PTRH1: variants seen among roughly 807,000 people sequenced by gnomAD.
PTRH1 encodes the protein peptidyl-tRNA hydrolase.
A neutral mutation model predicts 15.7 loss-of-function variants in PTRH1; 13 were observed. That is an observed-to-expected ratio of 0.83 (90% CI 0.54 to 1.31). The LOEUF (loss-of-function observed/expected upper bound fraction) is 1.31. Among genes scored for constraint, PTRH1 ranks in the 40% most tolerant of loss-of-function variants. PTRH1 has a pLI of 0.00. For synonymous variants in PTRH1, 139 were observed against 136.7 expected, an observed-to-expected ratio of 1.02 and a Z score of -0.12; for missense variants, 319 against 296.2, an observed-to-expected ratio of 1.08 and a Z score of -0.56.
intron 1 of PTRH1, among the ~76,000 whole-genome samples, chr9:127,697,228 AAAGAAG>A (rs1189833983): frequency 6.6e-6 from 1 of 152,206 alleles, no homozygotes; most frequent in Non-Finnish European, 1.5e-5. Flanking sequence ...ACCAAGCACT[AAAGAAG>A]ACATTCTAGA....
chr9:127,703,947 C>T lies in PTRH1; in HGVS notation c.206-8806G>A, dbSNP rs549638099. ...AGAGATTCTGCAACACAGGGATGGGCAGGGAGGGGTGGGGTGCTGTGTAGA... is the reference window on the plus strand; with the variant it reads ...AGAGATTCTGCAACACAGGGATGGGTAGGGAGGGGTGGGGTGCTGTGTAGA... On this transcript the variant is annotated intron_variant, in intron 1 of 2. Transcript: ENST00000335223. Among the ~76,000 whole-genome samples, 4 of 152,148 alleles carry T rather than the reference C, an allele frequency of 2.6e-5. No individual in the cohort carries two copies. The South Asian group carries it at 8.3e-4, about 32-fold the overall frequency.
intron 2 of PTRH1, chr9:127,694,822 A>G: frequency 1.7e-6 from 1 of 595,910 alleles, no homozygotes; most frequent in Non-Finnish European, 3.0e-6. Flanking sequence ...AGGATATTTA[A>G]CACCGTTGGA....
At chr9:127,704,935 T>A (rs1842631450) in intron 1 of PTRH1, among the ~76,000 whole-genome samples, 1 of 151,644 alleles carries the variant, frequency 6.6e-6, no homozygotes, top group Non-Finnish European at 1.5e-5. Flanking sequence ...TTTTTAGAGA[T>A]GGGGGTCTTG....
intron 1 of PTRH1, among the ~76,000 whole-genome samples, chr9:127,701,846 A>G (rs557038458): frequency 5.8e-4 from 88 of 151,796 alleles, no homozygotes; most frequent in Middle Eastern, 3.4e-3. Flanking sequence ...CCTAGTAGGC[A>G]GAGGTTGCAG....
intron 1 of PTRH1, among the ~76,000 whole-genome samples, chr9:127,696,827 T>C (rs569890009): frequency 4.7e-4 from 71 of 152,082 alleles, no homozygotes; most frequent in African/African-American, 7.2e-4. Flanking sequence ...GTGCCATTCA[T>C]TGCACTCCAG....
At position 127,713,817 on chromosome 9, in the gene PTRH1, C is replaced by T. The variant is rs1423067185; in HGVS notation, c.*283G>A. On this transcript the variant is annotated 3_prime_UTR_variant, in exon 5 of 5. Coordinates refer to ENST00000543175, the MANE Select transcript of PTRH1 (RefSeq NM_001002913.3). ...CCACTGCACCCGGCCTCCAAGCCAG[C>T]ATCTTTAATCTTACAGATGCGTGCC... The T allele has an allele frequency of 6.2e-7, 1 of 1,612,656 alleles. No individual in the cohort carries two copies. The highest frequency in any genetic ancestry group is 1.1e-5 in the South Asian group (1 of 91,044).
downstream of PTRH1, chr9:127,712,561 T>A: frequency 6.5e-7 from 1 of 1,542,100 alleles, no homozygotes; most frequent in East Asian, 2.4e-5. Context: ...TGAAAGGTCT[T>A]GGGCCTCAGT....
At chr9:127,710,103 T>C (rs1842728952), downstream of PTRH1, among the ~76,000 whole-genome samples, 1 of 151,938 alleles carries the variant, frequency 6.6e-6, no homozygotes, top group Non-Finnish European at 1.5e-5. Context: ...CGACACTCCA[T>C]CTCTACCAAA....
downstream of PTRH1, chr9:127,709,718 C>A: frequency 6.2e-7 from 1 of 1,604,060 alleles, no homozygotes; most frequent in Non-Finnish European, 8.5e-7. This position sits in a 1 kb window ranked among gnomAD's most constrained non-coding sequence, Gnocchi z 4.7. Flanking sequence ...GGCTGGTGAG[C>A]CTGCAGGCAC....
At chr9:127,704,893 C>T (rs987060863) in intron 1 of PTRH1, among the ~76,000 whole-genome samples, 6 of 151,864 alleles carry the variant, frequency 4.0e-5, no homozygotes, top group Non-Finnish European at 7.4e-5. Flanking sequence ...GAACTACAGG[C>T]GGATGCCACC....
At chr9:127,713,495 T>TA, downstream of PTRH1, 4 of 287,312 alleles carry the variant, frequency 1.4e-5, no homozygotes, top group East Asian at 6.6e-5. Context: ...CCAGCATCTT[T>TA]CTTTTTTTTT....
chr9:127,712,023 C>G, downstream of PTRH1: 1 of 1,539,138 alleles, frequency 6.5e-7, no homozygotes, highest in Non-Finnish European at 8.8e-7. Context: ...TCTTTCCGAT[C>G]CCACGACCCA....
intron 1 of PTRH1, among the ~76,000 whole-genome samples, chr9:127,699,191 C>CA (rs1842585154): frequency 6.6e-6 from 1 of 152,208 alleles, no homozygotes; most frequent in East Asian, 1.9e-4. Flanking sequence ...CGACCAAGGA[C>CA]AACTTCTTGG....
At chr9:127,711,672 A>G, downstream of PTRH1, 1 of 1,158,552 alleles carries the variant, frequency 8.6e-7, no homozygotes, top group South Asian at 1.6e-5. Flanking sequence ...GATTGTATTT[A>G]TTTAAAGCCC....
chr9:127,699,406 T>C (rs1037511413), intron 1 of PTRH1, among the ~76,000 whole-genome samples: 1 of 152,184 alleles, frequency 6.6e-6, no homozygotes, highest in African/African-American at 2.4e-5. Flanking sequence ...AGACGCGGCC[T>C]CGGGACTGGG....
Position 127,715,244 on chromosome 9 carries a change from G to T in PTRH1, c.97-50C>A, listed in dbSNP as rs1588404888. ...AGGCCCAACAACTCTCGCCACCCCCGATCTCACAGCGTCCCGTGGGCCCCA... is the reference window on the plus strand; with the variant it reads ...AGGCCCAACAACTCTCGCCACCCCCTATCTCACAGCGTCCCGTGGGCCCCA... On this transcript the variant is annotated intron_variant, in intron 1 of 4. Coordinates refer to ENST00000543175, the MANE Select transcript of PTRH1 (RefSeq NM_001002913.3). The surrounding 1 kb of genome is among the most constrained non-coding windows in gnomAD (Gnocchi z 5.8). 1 of 1,503,880 alleles carries T rather than the reference G, an allele frequency of 6.6e-7. No individual in the cohort carries two copies. The highest frequency in any genetic ancestry group is 8.9e-7 in the Non-Finnish European group (1 of 1,118,292). 93.2% of individuals were successfully genotyped at this position (1,503,880 alleles called of 1,614,324 possible). A position where few individuals can be genotyped will look rare whatever the true frequency, so the allele number is the denominator to read the frequency against.
At chr9:127,713,628 T>C (rs1842822689), downstream of PTRH1, 3 of 423,486 alleles carry the variant, frequency 7.1e-6, no homozygotes, top group East Asian at 1.5e-4. Flanking sequence ...TGCCTCAGTC[T>C]CCCAAGTAGC....
intron 1 of PTRH1, among the ~76,000 whole-genome samples, chr9:127,703,457 G>C (rs948229171): frequency 1.4e-4 from 21 of 151,056 alleles, no homozygotes; most frequent in African/African-American, 4.6e-4. Flanking sequence ...GAGAGAGAGA[G>C]AAAGAGAAAG....
intron 2 of PTRH1, 63 bp from the exon 3 acceptor site, chr9:127,714,765 C>A: frequency 7.2e-7 from 1 of 1,382,658 alleles, no homozygotes; most frequent in Non-Finnish European, 1.0e-6. Flanking sequence ...ACTGTCCCGA[C>A]TCCCATGATG....
Sources: gnomAD v4.1 joint callset for allele counts (sites outside exome capture counted in the v4.1 genomes callset) on GRCh38, gnomAD v4.1.1 for gene constraint, Gnocchi (gnomAD v3.1) non-coding constraint, MANE v1.5 for transcripts, NCBI Gene and HGNC (gene_info 2026-07-23, HGNC 2026-07-21) for gene names.